Variants in CHST12 observed in about 807,000 individuals in gnomAD.
The protein encoded by CHST12 is carbohydrate (chondroitin 4) sulfotransferase 12.
A neutral mutation model predicts 27.9 loss-of-function variants in CHST12; 23 were observed. The observed-to-expected ratio is 0.82, with a 90% CI of 0.59 to 1.17. CHST12 has a LOEUF of 1.17. Among genes scored for constraint, CHST12 ranks in the 50% most tolerant of loss-of-function variants. CHST12 has a pLI of 0.00. For synonymous variants in CHST12, 322 were observed against 273.0 expected, an observed-to-expected ratio of 1.18 and a Z score of -1.77; for missense variants, 682 against 603.0, an observed-to-expected ratio of 1.13 and a Z score of -1.37.
intron 1 of CHST12, among the ~76,000 whole-genome samples, chr7:2,411,065 A>G (rs1325234063): frequency 9.9e-5 from 15 of 151,852 alleles, no homozygotes; most frequent in Non-Finnish European, 2.9e-5. Flanking sequence ...ACTTTTTTAA[A>G]TTATTTATTT....
At chr7:2,426,923 G>A (rs1393673902) in intron 1 of CHST12, among the ~76,000 whole-genome samples, 3 of 152,086 alleles carry the variant, frequency 2.0e-5, no homozygotes, top group Non-Finnish European at 4.4e-5. Flanking sequence ...CCTGGGAGGC[G>A]GAGGTTGCAG....
chr7:2,418,743 C>T (rs1781879054), intron 1 of CHST12, among the ~76,000 whole-genome samples: 1 of 152,178 alleles, frequency 6.6e-6, no homozygotes, highest in African/African-American at 2.4e-5. Flanking sequence ...GGAGCTGTGT[C>T]AGTCACTGGG....
At chr7:2,407,226 G>A (rs146916473) in intron 1 of CHST12, among the ~76,000 whole-genome samples, 46 of 152,216 alleles carry the variant, frequency 3.0e-4, no homozygotes, top group African/African-American at 9.4e-4. Context: ...TGAGAGGATC[G>A]TTTGAGGCCA....
intron 1 of CHST12, among the ~76,000 whole-genome samples, chr7:2,425,691 C>CTTTTTTTTTTTTTTTTTTTTT (rs760502452): frequency 9.4e-5 from 13 of 137,876 alleles, no homozygotes; most frequent in African/African-American, 2.7e-4. Context: ...ACTGCATTTG[C>CTTTTTTTTTTTTTTTTTTTTT]TTTTTTTTTT....
chr7:2,418,956 C>T (rs1219793819), intron 1 of CHST12, among the ~76,000 whole-genome samples: 1 of 148,466 alleles, frequency 6.7e-6, no homozygotes, highest in Admixed American at 6.8e-5. Context: ...GCCATCATGC[C>T]CAGCTAATTT....
chr7:2,427,765 T>C (rs955625653), intron 1 of CHST12, among the ~76,000 whole-genome samples: 1 of 152,184 alleles, frequency 6.6e-6, no homozygotes, highest in African/African-American at 2.4e-5. Context: ...TGGTTGATTT[T>C]TGAACATTGA....
chr7:2,432,528 C>T (rs1782299545), intron 1 of CHST12, 35 bp from the exon 2 acceptor site: 1 of 1,244,670 alleles, frequency 8.0e-7, no homozygotes, highest in Non-Finnish European at 1.1e-6. Context: ...CCCAGTGCAC[C>T]TCAGTCATTA....
chr7:2,419,794 A>G (rs914210262), intron 1 of CHST12, among the ~76,000 whole-genome samples: 1 of 151,876 alleles, frequency 6.6e-6, no homozygotes, highest in Non-Finnish European at 1.5e-5. Context: ...CTCTGCAGCA[A>G]TCACCACCCT....
At chr7:2,410,072 A>T (rs758000675) in intron 1 of CHST12, among the ~76,000 whole-genome samples, 7 of 151,956 alleles carry the variant, frequency 4.6e-5, no homozygotes, top group Admixed American at 2.6e-4. Flanking sequence ...CTGAGCCGCC[A>T]CGCCCGGCCG....
intron 1 of CHST12, among the ~76,000 whole-genome samples, chr7:2,407,598 T>C (rs1406460949): frequency 3.3e-5 from 5 of 152,270 alleles, no homozygotes; most frequent in African/African-American, 9.6e-5. Flanking sequence ...AAAATGCAGG[T>C]ATCCTTCACT....
chr7:2,433,932 G>T lies in CHST12; in HGVS notation c.*48G>T, dbSNP rs1337318806. On this transcript the variant is annotated 3_prime_UTR_variant, in exon 2 of 2. Coordinates refer to ENST00000618655, the MANE Select transcript of CHST12 (RefSeq NM_018641.5). The surrounding 1 kb of genome is among the most constrained non-coding windows in gnomAD (Gnocchi z 6.1). The stretch of plus-strand genomic sequence containing the variant: ...CGCGTGCCTGGAACCTGACGCACGC[G>T]CACTCCAGTTTTTTTATGACCTACG... 6.7e-7 allele frequency: 1 copy of T among 1,503,316 alleles called. No homozygotes were observed. The highest frequency in any genetic ancestry group is 8.9e-7 in the Non-Finnish European group (1 of 1,119,672). The allele number at this position is 1,503,316 out of a possible 1,614,324, so 93.1% of individuals were successfully genotyped here. A position where few individuals can be genotyped will look rare whatever the true frequency, so the allele number is the denominator to read the frequency against.
intron 1 of CHST12, among the ~76,000 whole-genome samples, chr7:2,418,792 C>CTGT (rs34952308): frequency 6.6e-6 from 1 of 150,714 alleles, no homozygotes; most frequent in Non-Finnish European, 1.5e-5. Context: ...GTTTCTGTTG[C>CTGT]TGTTGTTGTT....
chr7:2,436,222 C>T lies in CHST12; in HGVS notation c.*2338C>T, dbSNP rs1782470430. ...TAAGCACATTCGTATTGTCGTGCCA[C>T]CACCACCATCATCTCCAGAGCTTTC... On this transcript the variant is annotated 3_prime_UTR_variant, in exon 2 of 2. Transcript: ENST00000618655. 6.6e-6 allele frequency: 1 copy of T among 152,236 alleles called. No individual in the cohort carries two copies. Among genetic ancestry groups the T allele is most frequent in the Non-Finnish European group, 1.5e-5 (1 of 68,050 alleles). The allele number at this position is 152,236 out of a possible 1,614,324, so 9.4% of individuals were successfully genotyped here. A position where few individuals can be genotyped will look rare whatever the true frequency, so the allele number is the denominator to read the frequency against.
At chr7:2,424,599 G>A (rs1015750051) in intron 1 of CHST12, among the ~76,000 whole-genome samples, 3 of 152,138 alleles carry the variant, frequency 2.0e-5, no homozygotes, top group Non-Finnish European at 4.4e-5. Context: ...GTTTGTGCTT[G>A]GATGCCCTCG....
At chr7:2,416,470 G>C (rs373527805) in intron 1 of CHST12, among the ~76,000 whole-genome samples, 4 of 152,304 alleles carry the variant, frequency 2.6e-5, no homozygotes, top group African/African-American at 9.6e-5. Flanking sequence ...ACTTTGCCCA[G>C]ATCCTACAGA....
Position 2,432,369 on chromosome 7 carries a change from C to A in CHST12, c.-77-194C>A, listed in dbSNP as rs551776216. Among the ~76,000 whole-genome samples, 17 of 152,216 alleles carry A rather than the reference C, an allele frequency of 1.1e-4. 1 individual carries two copies. Among genetic ancestry groups the A allele is most frequent in the South Asian group, 8.3e-4 (4 of 4,830 alleles). The stretch of plus-strand genomic sequence containing the variant: ...CGAGCCTTGGCGTCCAGGGTCATTA[C>A]TGGTGCTCGGGCACATGGATGTGTA... On this transcript the variant is annotated intron_variant, in intron 1 of 1. Transcript: ENST00000618655.
intron 1 of CHST12, among the ~76,000 whole-genome samples, chr7:2,418,770 G>A (rs1454667264): frequency 6.7e-6 from 1 of 150,362 alleles, no homozygotes; most frequent in Non-Finnish European, 1.5e-5. Context: ...ATTCTTGTAT[G>A]TCCAAGCTGT....
chr7:2,431,654 C>T (rs1183960008), intron 1 of CHST12, among the ~76,000 whole-genome samples: 1 of 152,240 alleles, frequency 6.6e-6, no homozygotes, highest in African/African-American at 2.4e-5. Context: ...GGGGTATCAG[C>T]TCCCAGCTCA....
rs555550548 is a variant in CHST12, at chr7:2,429,364, C to T, written c.-77-3199C>T. On this transcript the variant is annotated intron_variant, in intron 1 of 1. Coordinates refer to ENST00000618655, the MANE Select transcript of CHST12 (RefSeq NM_018641.5). ...GTGCTAGGATTACAAGCGTGAGCCA[C>T]GACGCCCGGCCTCTTTTTTTTTGTA... is the stretch of plus-strand genomic sequence containing the variant. 2.0e-4 allele frequency among the ~76,000 whole-genome samples: 30 copies of T among 152,294 alleles called. No homozygotes were observed. The South Asian group carries it at 4.2e-3, about 21-fold the overall frequency.
Sources: gnomAD v4.1 joint callset for allele counts (sites outside exome capture counted in the v4.1 genomes callset) on GRCh38, gnomAD v4.1.1 for gene constraint, Gnocchi (gnomAD v3.1) non-coding constraint, MANE v1.5 for transcripts, NCBI Gene and HGNC (gene_info 2026-07-23, HGNC 2026-07-21) for gene names.